The following SHISA9 variants were observed in gnomAD, a reference collection of about 807,000 sequenced individuals.
SHISA9 encodes the protein shisa family member 9.
A neutral mutation model predicts 38.0 loss-of-function variants in SHISA9; 13 were observed. The ratio of observed to expected loss-of-function variants is 0.34; its 90% CI spans 0.22 to 0.54. SHISA9 has a LOEUF of 0.54. Among genes scored for constraint, SHISA9 ranks in the 20% least tolerant of loss-of-function variants. SHISA9 has a pLI of 0.91. For synonymous variants in SHISA9, 275 were observed against 242.0 expected (o/e 1.14, Z -1.27); for missense variants, 538 against 575.8 (o/e 0.93, Z 0.67).
chr16:13,500,535 A>T, the SHISA9 span, among the ~76,000 whole-genome samples: 1 of 151,262 alleles, frequency 6.6e-6, no homozygotes, highest in African/African-American at 2.4e-5. Flanking sequence ...GAATGGTAGG[A>T]TTTTCCAGGC....
chr16:12,997,747 T>G (rs1347114427), intron 2 of SHISA9, among the ~76,000 whole-genome samples: 2 of 152,282 alleles, frequency 1.3e-5, no homozygotes, highest in East Asian at 3.9e-4. Context: ...GGACTCTGAT[T>G]TCCCATCTGG....
chr16:13,373,571 G>T, the SHISA9 span, among the ~76,000 whole-genome samples: 1 of 152,120 alleles, frequency 6.6e-6, no homozygotes, highest in African/African-American at 2.4e-5. Flanking sequence ...GACCATCCTG[G>T]CTAACATGGT....
intron 4 of SHISA9, among the ~76,000 whole-genome samples, chr16:13,234,002 G>GA (rs1477356286): frequency 1.3e-5 from 2 of 152,054 alleles, no homozygotes; most frequent in African/African-American, 2.4e-5. Flanking sequence ...GATCCTGTCT[G>GA]AAAAAATAAT....
the SHISA9 span, chr16:13,458,553 T>C: frequency 4.7e-6 from 2 of 423,454 alleles, no homozygotes; most frequent in African/African-American, 4.2e-5. Flanking sequence ...CAAATCAAAA[T>C]GATGAACTTG....
the SHISA9 span, among the ~76,000 whole-genome samples, chr16:13,518,729 T>C: frequency 2.0e-5 from 3 of 152,198 alleles, no homozygotes; most frequent in African/African-American, 4.8e-5. Context: ...ATAATACTCT[T>C]AGTCCAGTTT....
intron 2 of SHISA9, among the ~76,000 whole-genome samples, chr16:13,063,541 C>A (rs953584853): frequency 2.6e-5 from 4 of 152,056 alleles, no homozygotes; most frequent in African/African-American, 9.7e-5. Context: ...TGTGGGGCGT[C>A]AATGAAATAA....
chr16:13,175,147 G>GCTT (rs2050720580), intron 2 of SHISA9, among the ~76,000 whole-genome samples: 1 of 151,838 alleles, frequency 6.6e-6, no homozygotes, highest in African/African-American at 2.4e-5. Context: ...CAGGAGGATT[G>GCTT]CTTGAGCCCA....
intron 2 of SHISA9, among the ~76,000 whole-genome samples, chr16:12,940,249 C>T (rs2071592000): frequency 6.6e-6 from 1 of 152,130 alleles, no homozygotes; most frequent in African/African-American, 2.4e-5. Flanking sequence ...CAGTTAGTTT[C>T]CCTCTTCTAA....
the SHISA9 span, among the ~76,000 whole-genome samples, chr16:13,526,298 G>A: frequency 3.3e-5 from 5 of 152,144 alleles, no homozygotes; most frequent in Non-Finnish European, 7.3e-5. Context: ...GGCAAATTAA[G>A]CCTTCTCTGT....
chr16:13,294,457 A>C, the SHISA9 span, among the ~76,000 whole-genome samples: 1 of 152,208 alleles, frequency 6.6e-6, no homozygotes, highest in Non-Finnish European at 1.5e-5. Flanking sequence ...ATAGTGATGC[A>C]GAAAGTGCAA....
chr16:12,942,806 C>T (rs911681986), intron 2 of SHISA9, among the ~76,000 whole-genome samples: 3 of 152,032 alleles, frequency 2.0e-5, no homozygotes, highest in Non-Finnish European at 2.9e-5. Flanking sequence ...TGTAGTATGC[C>T]GTAGTCTTTT....
chr16:12,970,431 A>G lies in SHISA9; in HGVS notation c.691+53616A>G, dbSNP rs1226746577. ...TATATATATATACACATATATGTAT[A>G]TATATATACACACATATATATATAC... On this transcript the variant is annotated intron_variant, in intron 2 of 4. Transcript: ENST00000558583. Among the ~76,000 whole-genome samples, 62 of 66,116 alleles carry G rather than the reference A, an allele frequency of 9.4e-4. 1 individual carries two copies. Among genetic ancestry groups the G allele is most frequent in the African/African-American group, 1.6e-3 (26 of 16,604 alleles). 43.4% of individuals were successfully genotyped at this position (66,116 alleles called of 152,430 possible).
chr16:13,276,412 T>TTTC, the SHISA9 span, among the ~76,000 whole-genome samples: 6 of 152,092 alleles, frequency 3.9e-5, no homozygotes, highest in Non-Finnish European at 7.4e-5. Context: ...AATGACTTCT[T>TTTC]TTCCTCTGGG....
chr16:13,402,007 C>T, the SHISA9 span, among the ~76,000 whole-genome samples: 17,402 of 152,182 alleles, frequency 0.11, 1,329 homozygotes, highest in Non-Finnish European at 0.17. Flanking sequence ...ACTCAATTAC[C>T]TCCCATCGGG....
chr16:13,399,771 G>A, the SHISA9 span, among the ~76,000 whole-genome samples: 1 of 152,174 alleles, frequency 6.6e-6, no homozygotes, highest in East Asian at 1.9e-4. Flanking sequence ...TTACAATTCA[G>A]TTTCTGATTC....
At chr16:13,144,653 A>C (rs1296715521) in intron 2 of SHISA9, among the ~76,000 whole-genome samples, 2 of 152,202 alleles carry the variant, frequency 1.3e-5, no homozygotes, top group African/African-American at 4.8e-5. Context: ...CTATCATCTT[A>C]AATGTCTTTG....
chr16:13,350,077 A>C, the SHISA9 span: 1 of 152,292 alleles, frequency 6.6e-6, no homozygotes, highest in Non-Finnish European at 1.5e-5. Flanking sequence ...GGACTGAATA[A>C]GGAAGCCCTG....
At chr16:13,261,508 C>T in the SHISA9 span, among the ~76,000 whole-genome samples, 1 of 152,114 alleles carries the variant, frequency 6.6e-6, no homozygotes. Flanking sequence ...TTCCTAATTC[C>T]ACAGCACCCC....
At chr16:12,986,469 G>T (rs1205459380) in intron 2 of SHISA9, among the ~76,000 whole-genome samples, 1 of 152,168 alleles carries the variant, frequency 6.6e-6, no homozygotes. Flanking sequence ...TAAAATAATG[G>T]AAGTGTCCAT....
Sources: allele counts gnomAD v4.1 joint callset (sites outside exome capture counted in the v4.1 genomes callset), GRCh38; gene constraint gnomAD v4.1.1; transcripts MANE v1.5; gene names NCBI Gene and HGNC (gene_info 2026-07-23, HGNC 2026-07-21).